MAST4: variants seen among roughly 807,000 people sequenced by gnomAD.
The protein encoded by MAST4 is microtubule-associated serine/threonine-protein kinase 4.
A neutral mutation model predicts 162.7 loss-of-function variants in MAST4; 89 were observed. That is an observed-to-expected ratio of 0.55 (90% CI 0.46 to 0.65). MAST4 has a LOEUF of 0.65. Ranked by LOEUF, MAST4 falls within the 30% of genes least tolerant of loss-of-function variation. The pLI is 0.00. For missense variants in MAST4, 3,153 were observed against 3,374.0 expected (o/e 0.93, Z 1.62); for synonymous variants, 1,479 against 1,361.1 (o/e 1.09, Z -1.91).
chr5:66,999,180 T>C (rs1406545940), intron 4 of MAST4, among the ~76,000 whole-genome samples: 1 of 152,192 alleles, frequency 6.6e-6, no homozygotes, highest in African/African-American at 2.4e-5. Flanking sequence ...CCTGTAAGGA[T>C]GCCATGTGTT....
chr5:67,096,515 A>G (rs189964409), intron 7 of MAST4, among the ~76,000 whole-genome samples: 1 of 152,200 alleles, frequency 6.6e-6, no homozygotes, highest in Admixed American at 6.6e-5. Flanking sequence ...TTGTTTAGGG[A>G]TATCCATCTA....
chr5:66,882,714 C>T (rs1761769127), intron 3 of MAST4, among the ~76,000 whole-genome samples: 1 of 152,186 alleles, frequency 6.6e-6, no homozygotes, highest in Non-Finnish European at 1.5e-5. Context: ...TTGACTACCT[C>T]TGTATCTGTG....
chr5:66,739,584 T>C lies in MAST4; in HGVS notation c.364-20125T>C, dbSNP rs73765326. Among the ~76,000 whole-genome samples the C allele has an allele frequency of 6.7e-3, 1,021 of 152,302 alleles. 7 individuals carry two copies. Among genetic ancestry groups the C allele is most frequent in the African/African-American group, 0.023 (943 of 41,548 alleles). ...CTCAACAGCATATCTCTCAACGCCC[T>C]GGGGTAGTTGTCATCTAATAATGTC... On this transcript the variant is annotated intron_variant, in intron 1 of 28. Coordinates refer to ENST00000403625, the MANE Select transcript of MAST4 (RefSeq NM_001164664.2).
chr5:66,912,286 T>G (rs1763827667), intron 4 of MAST4, among the ~76,000 whole-genome samples: 1 of 152,218 alleles, frequency 6.6e-6, no homozygotes, highest in African/African-American at 2.4e-5. Flanking sequence ...AACATTCAAG[T>G]TTGCTTTGCA....
At chr5:66,842,960 T>C (rs1201292391) in intron 3 of MAST4, among the ~76,000 whole-genome samples, 8 of 152,178 alleles carry the variant, frequency 5.3e-5, no homozygotes, top group Non-Finnish European at 4.4e-5. Context: ...TTTGCATCTT[T>C]AATACTAACA....
chr5:66,898,470 G>C (rs192640488), intron 3 of MAST4, among the ~76,000 whole-genome samples: 2 of 141,846 alleles, frequency 1.4e-5, no homozygotes, highest in East Asian at 3.9e-4. Flanking sequence ...AAGGAAAACT[G>C]TCTTGGTCAG....
chr5:66,993,926 C>CCG (rs374815057), intron 4 of MAST4, among the ~76,000 whole-genome samples: 1 of 78,320 alleles, frequency 1.3e-5, no homozygotes, highest in South Asian at 6.9e-4. Flanking sequence ...GAAGACCCCC[C>CCG]CCCCCACCCC....
rs1413282036 is a variant in MAST4, at chr5:67,164,825, T to G, written c.5646T>G (p.Gly1882=). 6.2e-7 allele frequency: 1 copy of G among 1,613,208 alleles called. No homozygotes were observed. The highest frequency in any genetic ancestry group is 8.5e-7 in the Non-Finnish European group (1 of 1,179,730). Residue 1882 remains glycine, a synonymous_variant, in exon 29 of 29, where the codon GGT becomes GGG. Transcript: ENST00000403625. The surrounding 1 kb of genome is among the most constrained non-coding windows in gnomAD (Gnocchi z 5.3). The stretch of plus-strand genomic sequence containing the variant: ...CTTGGTTCCTGCCCCCCAGCCGAGG[T>G]CTCCAGAATTCACCAGCAGTTTCCC... The part of the protein sequence containing the change: ...LEPWFLPPSR[G]LQNSPAVSLP...
At chr5:66,968,532 T>A (rs1228892908) in intron 4 of MAST4, among the ~76,000 whole-genome samples, 1 of 152,218 alleles carries the variant, frequency 6.6e-6, no homozygotes, top group African/African-American at 2.4e-5. Flanking sequence ...TTGTCTACTT[T>A]TTCACACATA....
intron 1 of MAST4, among the ~76,000 whole-genome samples, chr5:66,679,479 C>T (rs561933436): frequency 4.6e-5 from 7 of 152,274 alleles, no homozygotes; most frequent in South Asian, 2.1e-4. Context: ...GAGTACTTTG[C>T]CCTCTCTCAT....
chr5:67,079,583 G>C (rs535320578), intron 5 of MAST4, among the ~76,000 whole-genome samples: 10 of 152,126 alleles, frequency 6.6e-5, no homozygotes, highest in Non-Finnish European at 1.5e-4. Flanking sequence ...GAGGTTGAGA[G>C]AGGTTTTTTG....
intron 3 of MAST4, among the ~76,000 whole-genome samples, chr5:66,873,985 C>CT (rs1231787687): frequency 7.9e-5 from 12 of 151,804 alleles, no homozygotes; most frequent in East Asian, 1.9e-4. Flanking sequence ...AAGGAGTTGG[C>CT]TTTTTTTTAG....
At chr5:67,058,765 A>G (rs1364676410) in intron 5 of MAST4, among the ~76,000 whole-genome samples, 1 of 152,250 alleles carries the variant, frequency 6.6e-6, no homozygotes, top group African/African-American at 2.4e-5. Context: ...GTGGAAAAGG[A>G]AAGGAGAAAC....
At chr5:67,021,581 GA>G (rs1753988515) in intron 4 of MAST4, among the ~76,000 whole-genome samples, 1 of 152,184 alleles carries the variant, frequency 6.6e-6, no homozygotes, top group African/African-American at 2.4e-5. Context: ...GGAGCAATAA[GA>G]TTTTTTTGGT....
chr5:66,928,207 T>A (rs1010389044), intron 4 of MAST4, among the ~76,000 whole-genome samples: 1 of 152,204 alleles, frequency 6.6e-6, no homozygotes, highest in Non-Finnish European at 1.5e-5. Context: ...TCATCCCTAC[T>A]GCTCAAGTCT....
At chr5:66,633,612 A>G (rs1744921246) in intron 1 of MAST4, among the ~76,000 whole-genome samples, 2 of 152,158 alleles carry the variant, frequency 1.3e-5, no homozygotes, top group African/African-American at 4.8e-5. Context: ...TGTTGCTAGG[A>G]ATGTTAGATT....
intron 2 of MAST4, among the ~76,000 whole-genome samples, chr5:66,777,377 T>C (rs955846345): frequency 1.4e-4 from 21 of 152,226 alleles, no homozygotes; most frequent in Non-Finnish European, 8.8e-5. Flanking sequence ...ATAGGTTCTT[T>C]GTTTACATTC....
At chr5:66,620,340 C>A (rs1743995108) in intron 1 of MAST4, among the ~76,000 whole-genome samples, 1 of 152,040 alleles carries the variant, frequency 6.6e-6, no homozygotes. Flanking sequence ...GTTATGCCTA[C>A]AAATTAAAAT....
At chr5:66,850,891 G>A (rs2149811615) in intron 3 of MAST4, among the ~76,000 whole-genome samples, 1 of 148,736 alleles carries the variant, frequency 6.7e-6, no homozygotes, top group South Asian at 2.1e-4. Flanking sequence ...AACTTAAATT[G>A]CACAACCCTG....
Sources: allele counts gnomAD v4.1 joint callset (sites outside exome capture counted in the v4.1 genomes callset), GRCh38; gene constraint gnomAD v4.1.1; non-coding constraint Gnocchi (gnomAD v3.1); transcripts MANE v1.5; gene names NCBI Gene and HGNC (gene_info 2026-07-23, HGNC 2026-07-21).